Variants in TMEM108 observed in about 807,000 individuals in gnomAD.
TMEM108 encodes the protein transmembrane protein 108.
TMEM108 carries 12 observed loss-of-function variants against 35.1 expected under a neutral mutation model. The ratio of observed to expected loss-of-function variants is 0.34; its 90% CI spans 0.22 to 0.55. TMEM108 has a LOEUF of 0.55. TMEM108 is among the 20% of genes least tolerant of loss of function. The pLI, the probability that TMEM108 is intolerant of heterozygous loss-of-function variation, is 0.89. For missense variants in TMEM108, 680 were observed against 753.3 expected (o/e 0.90, Z 1.14); for synonymous variants, 287 against 308.6 (o/e 0.93, Z 0.73).
chr3:133,200,146 T>A (rs188654709), intron 2 of TMEM108, among the ~76,000 whole-genome samples: 1 of 152,220 alleles, frequency 6.6e-6, no homozygotes, highest in East Asian at 1.9e-4. Flanking sequence ...AGTGACCCGA[T>A]TTTCCAGGTG....
At chr3:133,105,185 C>T (rs1446792079) in intron 2 of TMEM108, among the ~76,000 whole-genome samples, 1 of 152,142 alleles carries the variant, frequency 6.6e-6, no homozygotes, top group African/African-American at 2.4e-5. Flanking sequence ...GGGTCAAAAC[C>T]AAGGCCCACT....
chr3:133,169,221 T>G (rs1418288934), intron 2 of TMEM108, among the ~76,000 whole-genome samples: 1 of 152,244 alleles, frequency 6.6e-6, no homozygotes, highest in Non-Finnish European at 1.5e-5. Flanking sequence ...GGGGATTAAG[T>G]TTCCAACAAA....
intron 2 of TMEM108, among the ~76,000 whole-genome samples, chr3:133,117,059 C>T (rs557202160): frequency 3.9e-5 from 6 of 152,316 alleles, no homozygotes; most frequent in African/African-American, 9.6e-5. Flanking sequence ...TATGAGCTGC[C>T]GCACCCGGCC....
chr3:133,149,249 AT>A (rs1235196445), intron 2 of TMEM108, among the ~76,000 whole-genome samples: 1 of 152,162 alleles, frequency 6.6e-6, no homozygotes, highest in Non-Finnish European at 1.5e-5. Context: ...CAAATAAAAA[AT>A]GTATATATTT....
chr3:133,376,496 C>T (rs2072843807), intron 3 of TMEM108, among the ~76,000 whole-genome samples: 1 of 152,220 alleles, frequency 6.6e-6, no homozygotes, highest in Non-Finnish European at 1.5e-5. Flanking sequence ...CAGGCAGAAC[C>T]TGACAGCCCT....
chr3:133,191,574 G>T (rs1451541753), intron 2 of TMEM108, among the ~76,000 whole-genome samples: 1 of 152,144 alleles, frequency 6.6e-6, no homozygotes, highest in Non-Finnish European at 1.5e-5. Context: ...GACCCACGCA[G>T]ATGATATCAC....
At position 133,390,225 on chromosome 3, in the gene TMEM108, C is replaced by G; in HGVS notation, c.1496C>G (p.Ala499Gly). ...TGCATGAAGAGGAAGAAGAAGACCG[C>G]CAACCCGGAGAACAACCTGAGCTAC... is the stretch of plus-strand genomic sequence containing the variant. Reference protein sequence around the residue: ...VCCMKRKKKTANPENNLSYWN... With the variant: ...VCCMKRKKKTGNPENNLSYWN... The change falls in exon 5 of 6, where the codon GCC becomes GGC. Residue 499 changes from alanine to glycine, a missense_variant. Ala to Gly is a moderately conservative substitution (Grantham distance 60, BLOSUM62 0). This residue lies in a region of TMEM108 where 105 missense variants were observed against 150.7 expected (regional missense o/e 0.70). Coordinates refer to ENST00000321871, the MANE Select transcript of TMEM108 (RefSeq NM_023943.4). The G allele has an allele frequency of 6.2e-7, 1 of 1,614,208 alleles. No homozygotes were observed. Among genetic ancestry groups the G allele is most frequent in the South Asian group, 1.1e-5 (1 of 91,076 alleles).
intron 3 of TMEM108, among the ~76,000 whole-genome samples, chr3:133,338,427 A>G (rs1401303268): frequency 2.6e-5 from 4 of 152,136 alleles, no homozygotes; most frequent in African/African-American, 9.7e-5. Flanking sequence ...GAAGGAAAAA[A>G]CTTTTATCCT....
intron 2 of TMEM108, among the ~76,000 whole-genome samples, chr3:133,193,474 A>G (rs1209637726): frequency 2.0e-5 from 3 of 152,142 alleles, no homozygotes; most frequent in Non-Finnish European, 4.4e-5. Context: ...TGATAGAAGG[A>G]CAGTGAGCTT....
chr3:133,293,909 G>A (rs1014749420), intron 3 of TMEM108, among the ~76,000 whole-genome samples: 6 of 152,130 alleles, frequency 3.9e-5, no homozygotes, highest in African/African-American at 1.2e-4. Context: ...GCATCCAGTG[G>A]CAGCTGGCAA....
At position 133,174,027 on chromosome 3, in the gene TMEM108, T is replaced by C. The variant is rs546758873; in HGVS notation, c.-46-55239T>C. On this transcript the variant is annotated intron_variant, in intron 2 of 5. Coordinates refer to ENST00000321871, the MANE Select transcript of TMEM108 (RefSeq NM_023943.4). The stretch of plus-strand genomic sequence containing the variant: ...TCTTAGCAAACGGCACACCAGGAGA[T>C]TATATCCCGCTCCTGGCTCAGAGGG... Among the ~76,000 whole-genome samples, 10 of 152,334 alleles carry C rather than the reference T, an allele frequency of 6.6e-5. No individual in the cohort carries two copies. In the South Asian group the frequency reaches 2.1e-3, roughly 32 times the overall value.
chr3:133,154,697 A>T (rs1576348905), intron 2 of TMEM108, among the ~76,000 whole-genome samples: 1 of 151,014 alleles, frequency 6.6e-6, no homozygotes, highest in African/African-American at 2.4e-5. Context: ...AACATCACAC[A>T]CTGGGGACTG....
At position 133,089,672 on chromosome 3, in the gene TMEM108, A is replaced by G. The variant is rs529873338; in HGVS notation, c.-47+43652A>G. 1.4e-4 allele frequency among the ~76,000 whole-genome samples: 22 copies of G among 152,334 alleles called. No individual in the cohort carries two copies. In the South Asian group the frequency reaches 3.1e-3, roughly 21 times the overall value. On this transcript the variant is annotated intron_variant, in intron 2 of 5. Coordinates refer to ENST00000321871, the MANE Select transcript of TMEM108 (RefSeq NM_023943.4). ...TTGGCTTAATGATTGTCTACCTTCT[A>G]TAATCCCAGATTAATACCAGGCTGC... is the stretch of plus-strand genomic sequence containing the variant.
intron 5 of TMEM108, among the ~76,000 whole-genome samples, chr3:133,390,679 G>A (rs1298806361): frequency 6.6e-6 from 1 of 152,144 alleles, no homozygotes; most frequent in African/African-American, 2.4e-5. Flanking sequence ...AGGGGCTCAG[G>A]TTCTGAGATG....
At chr3:133,218,888 G>T (rs1442986528) in intron 2 of TMEM108, among the ~76,000 whole-genome samples, 2 of 152,000 alleles carry the variant, frequency 1.3e-5, no homozygotes, top group Non-Finnish European at 1.5e-5. Flanking sequence ...GGTAAGGCTA[G>T]CCTTCTAAAA....
intron 3 of TMEM108, among the ~76,000 whole-genome samples, chr3:133,295,024 A>G (rs1038324328): frequency 3.3e-5 from 5 of 152,324 alleles, no homozygotes; most frequent in African/African-American, 4.8e-5. Context: ...CCACTGATTT[A>G]TGAAGTATCC....
chr3:133,110,111 G>A (rs1158904699), intron 2 of TMEM108, among the ~76,000 whole-genome samples: 1 of 152,012 alleles, frequency 6.6e-6, no homozygotes, highest in African/African-American at 2.4e-5. Context: ...TCTTCCCTCA[G>A]AGGATCAGTG....
At chr3:133,223,936 C>T (rs779369248) in intron 2 of TMEM108, among the ~76,000 whole-genome samples, 11 of 152,146 alleles carry the variant, frequency 7.2e-5, no homozygotes, top group Non-Finnish European at 1.5e-4. Context: ...TGGGATAGCC[C>T]TGTGTAACCC....
At chr3:133,262,159 C>T (rs530638460) in intron 3 of TMEM108, among the ~76,000 whole-genome samples, 3 of 152,288 alleles carry the variant, frequency 2.0e-5, no homozygotes, top group East Asian at 3.9e-4. Flanking sequence ...GCAGCTATTA[C>T]CTTTATGTGT....
Sources: allele counts gnomAD v4.1 joint callset (sites outside exome capture counted in the v4.1 genomes callset), GRCh38; gene constraint gnomAD v4.1.1; regional missense constraint gnomAD v4.1.1; transcripts MANE v1.5; gene names NCBI Gene and HGNC (gene_info 2026-07-23, HGNC 2026-07-21).